Variants in HOMER2 observed in about 807,000 individuals in gnomAD.
The protein encoded by HOMER2 is homer scaffold protein 2, also known as homer protein homolog 2.
A neutral mutation model predicts 47.0 loss-of-function variants in HOMER2; 27 were observed. That is an observed-to-expected ratio of 0.57 (90% CI 0.42 to 0.79). The LOEUF is 0.79. Ranked by LOEUF, HOMER2 falls within the 30% of genes least tolerant of loss-of-function variation. HOMER2 has a pLI of 0.00. For missense variants in HOMER2, 443 were observed against 435.0 expected, an observed-to-expected ratio of 1.02 and a Z score of -0.16; for synonymous variants, 161 against 163.8, an observed-to-expected ratio of 0.98 and a Z score of 0.13.
chr15:82,895,405 G>A (rs2061948), intron 1 of HOMER2, among the ~76,000 whole-genome samples: 131,608 of 152,238 alleles, frequency 0.86, 57,331 homozygotes, highest in African/African-American at 0.97. Flanking sequence ...GTGCATATCA[G>A]TGCAAGCCCT....
intron 3 of HOMER2, among the ~76,000 whole-genome samples, chr15:82,865,202 T>C (rs1287753597): frequency 6.6e-6 from 1 of 152,204 alleles, no homozygotes; most frequent in Non-Finnish European, 1.5e-5. Flanking sequence ...CTGGGGAGGC[T>C]TCATATTTAA....
intron 2 of HOMER2, among the ~76,000 whole-genome samples, chr15:82,889,344 G>A (rs2052638225): frequency 6.6e-6 from 1 of 152,226 alleles, no homozygotes; most frequent in African/African-American, 2.4e-5. Context: ...GCATGCATGA[G>A]GCCTGGGACG....
exon 2 of HOMER2, chr15:82,839,981 T>TA (rs901007146): frequency 1.3e-5 from 2 of 152,094 alleles, no homozygotes; most frequent in African/African-American, 4.8e-5. Context: ...TAAGAAATGC[T>TA]AAAAAACAAC....
At chr15:82,843,332 C>G (rs571474359) in exon 2 of HOMER2, 2 of 148,676 alleles carry the variant, frequency 1.3e-5, no homozygotes, top group East Asian at 4.0e-4. Flanking sequence ...CCCAGCTACT[C>G]AGGAGGGAGG....
intron 3 of HOMER2, among the ~76,000 whole-genome samples, chr15:82,869,427 T>C (rs926217380): frequency 1.3e-5 from 2 of 150,866 alleles, no homozygotes; most frequent in Non-Finnish European, 3.0e-5. Context: ...TTCCATGCAA[T>C]TATATGATTT....
chr15:82,975,624 T>C lies in HOMER2; in HGVS notation n.82+10163A>G, dbSNP rs145143822. 1.4e-3 allele frequency among the ~76,000 whole-genome samples: 211 copies of C among 152,228 alleles called. 1 individual carries two copies. Among genetic ancestry groups the C allele is most frequent in the Middle Eastern group, 0.01 (3 of 294 alleles). On this transcript the variant is annotated intron_variant and non_coding_transcript_variant, in intron 1 of 1. Transcript: ENST00000500334. ...TAAGCCAGGCACAGAAAGACAAACA[T>C]TGCATGTTCTCACTTACTTGTAGGA... is the stretch of plus-strand genomic sequence containing the variant.
rs1728912291 is a variant in HOMER2, at chr15:82,930,983, C to A, written c.5+21548G>T. On this transcript the variant is annotated intron_variant, in intron 1 of 8. Coordinates refer to ENST00000450735, the MANE Select transcript of HOMER2 (RefSeq NM_004839.4). ...CGGAGGTTGCAGTGTGCCCTGTGCA[C>A]CTCCTGCCCTGTGCACACCCCGCCT... Among the ~76,000 whole-genome samples, 2 of 152,118 alleles carry A rather than the reference C, an allele frequency of 1.3e-5. 1 individual carries two copies. The highest frequency in any genetic ancestry group is 1.3e-4 in the Admixed American group (2 of 15,276).
chr15:82,948,257 G>A (rs1251486579), intron 1 of HOMER2, among the ~76,000 whole-genome samples: 2 of 152,156 alleles, frequency 1.3e-5, no homozygotes, highest in African/African-American at 4.8e-5. Context: ...TGGGCGTGGT[G>A]GCGGGCGCCT....
intron 1 of HOMER2, chr15:82,926,289 A>C (rs1761315939): frequency 6.6e-6 from 1 of 152,272 alleles, no homozygotes; most frequent in Admixed American, 6.5e-5. Flanking sequence ...CACAGATGGC[A>C]TACTCTCACT....
chr15:82,855,634 G>A (rs1236754759), intron 5 of HOMER2, among the ~76,000 whole-genome samples: 1 of 152,206 alleles, frequency 6.6e-6, no homozygotes, highest in Non-Finnish European at 1.5e-5. Context: ...GAGGGCCTAG[G>A]GCTTGGAGAC....
chr15:82,929,229 A>G (rs2053941608), intron 1 of HOMER2, among the ~76,000 whole-genome samples: 1 of 152,202 alleles, frequency 6.6e-6, no homozygotes, highest in African/African-American at 2.4e-5. Context: ...TATACAATCC[A>G]ACAGGATCAA....
chr15:82,899,752 G>A (rs1344137514), intron 1 of HOMER2, among the ~76,000 whole-genome samples: 1 of 152,176 alleles, frequency 6.6e-6, no homozygotes, highest in African/African-American at 2.4e-5. Context: ...GCCAGGCAAG[G>A]TGTTTCATGC....
intron 1 of HOMER2, among the ~76,000 whole-genome samples, chr15:82,982,922 C>G (rs1286487748): frequency 6.6e-6 from 1 of 152,186 alleles, no homozygotes; most frequent in Admixed American, 6.5e-5. Flanking sequence ...GTCGCCTTCT[C>G]TTCTCTATGA....
intron 1 of HOMER2, among the ~76,000 whole-genome samples, chr15:82,966,034 G>A (rs2054672132): frequency 1.3e-5 from 2 of 152,134 alleles, no homozygotes; most frequent in African/African-American, 2.4e-5. Context: ...CCAGCAGGTC[G>A]AGGCTGTGGT....
intron 3 of HOMER2, among the ~76,000 whole-genome samples, chr15:82,867,948 C>T (rs1370880980): frequency 2.6e-5 from 4 of 152,142 alleles, no homozygotes; most frequent in Non-Finnish European, 5.9e-5. Flanking sequence ...CAGAAGAAAA[C>T]TGCCAGTCAT....
At chr15:82,868,541 A>ATATATATTTTTTTTTTT in intron 3 of HOMER2, among the ~76,000 whole-genome samples, 1 of 71,290 alleles carries the variant, frequency 1.4e-5, no homozygotes. Context: ...ATATATATAT[A>ATATATATTTTTTTTTTT]TTTTTTTTTT....
At chr15:82,847,930 C>T (rs918069863), downstream of HOMER2, among the ~76,000 whole-genome samples, 9 of 152,170 alleles carry the variant, frequency 5.9e-5, no homozygotes, top group Non-Finnish European at 5.9e-5. Context: ...CCGTCTGGAG[C>T]TCTGGGGAAA....
At chr15:82,847,590 A>G (rs2051270563), downstream of HOMER2, among the ~76,000 whole-genome samples, 1 of 152,318 alleles carries the variant, frequency 6.6e-6, no homozygotes, top group Non-Finnish European at 1.5e-5. Context: ...GGAGTTTTCT[A>G]AAGTCACTGC....
At chr15:82,949,926 A>G (rs1440129237) in intron 1 of HOMER2, among the ~76,000 whole-genome samples, 1 of 152,188 alleles carries the variant, frequency 6.6e-6, no homozygotes, top group Non-Finnish European at 1.5e-5. Flanking sequence ...CTGATGGAGA[A>G]GACCCCGGAG....
Sources: gnomAD v4.1 joint callset for allele counts (sites outside exome capture counted in the v4.1 genomes callset) on GRCh38, gnomAD v4.1.1 for gene constraint, MANE v1.5 for transcripts, NCBI Gene and HGNC (gene_info 2026-07-23, HGNC 2026-07-21) for gene names.